TCF12: variants seen among roughly 807,000 people sequenced by gnomAD.
TCF12 encodes the protein transcription factor 12.
Under a neutral mutation model 86.0 loss-of-function variants are expected in TCF12, and 45 were observed. The observed-to-expected ratio is 0.52, with a 90% CI of 0.41 to 0.67. The LOEUF (loss-of-function observed/expected upper bound fraction) is 0.67. TCF12 is among the 30% of genes least tolerant of loss of function. TCF12 has a pLI of 0.00. For synonymous variants in TCF12, 330 were observed against 299.6 expected, an observed-to-expected ratio of 1.10 and a Z score of -1.05; for missense variants, 881 against 859.9, an observed-to-expected ratio of 1.02 and a Z score of -0.31.
At chr15:57,247,427 TAC>T in intron 13 of TCF12, 2 of 697,210 alleles carry the variant, frequency 2.9e-6, no homozygotes, top group Admixed American at 3.7e-5. Context: ...TCCAGCAGAC[TAC>T]ATCTCTTGTT....
intron 8 of TCF12, among the ~76,000 whole-genome samples, chr15:57,222,569 C>T (rs868381215): frequency 6.6e-6 from 1 of 151,506 alleles, no homozygotes; most frequent in Non-Finnish European, 1.5e-5. Context: ...CTATTTTGCA[C>T]CTTATACTGT....
At chr15:57,251,786 C>G (rs1428195664) in intron 14 of TCF12, among the ~76,000 whole-genome samples, 1 of 151,882 alleles carries the variant, frequency 6.6e-6, no homozygotes, top group Non-Finnish European at 1.5e-5. Flanking sequence ...AAAATTTTAC[C>G]CTTTTGTATT....
chr15:57,266,632 A>G (rs1368537750), intron 18 of TCF12, among the ~76,000 whole-genome samples: 2 of 152,238 alleles, frequency 1.3e-5, no homozygotes, highest in Non-Finnish European at 2.9e-5. Flanking sequence ...GGAGTTTTCT[A>G]GAAAATGGAC....
intron 8 of TCF12, among the ~76,000 whole-genome samples, chr15:57,228,808 T>C (rs966038110): frequency 1.3e-5 from 2 of 152,160 alleles, no homozygotes; most frequent in East Asian, 1.9e-4. Flanking sequence ...GAAATATAAA[T>C]TGATAAATTA....
At chr15:57,046,322 A>G (rs2067229650) in intron 3 of TCF12, among the ~76,000 whole-genome samples, 1 of 152,220 alleles carries the variant, frequency 6.6e-6, no homozygotes. Context: ...CATAGTTACT[A>G]CAGAGTTCAC....
chr15:57,025,521 C>A (rs2065774541), intron 3 of TCF12, among the ~76,000 whole-genome samples: 1 of 152,038 alleles, frequency 6.6e-6, no homozygotes, highest in African/African-American at 2.4e-5. Context: ...TTAGAATAAT[C>A]CTCAGTCTGG....
intron 6 of TCF12, among the ~76,000 whole-genome samples, chr15:57,185,503 CAGA>C (rs1295978801): frequency 3.9e-5 from 6 of 151,938 alleles, no homozygotes; most frequent in Non-Finnish European, 5.9e-5. Context: ...TTGAAGAAAG[CAGA>C]AGAAGAAAGG....
At chr15:57,046,726 G>A (rs190439139) in intron 3 of TCF12, among the ~76,000 whole-genome samples, 64 of 152,316 alleles carry the variant, frequency 4.2e-4, no homozygotes, top group African/African-American at 1.5e-3. Context: ...CAAGTGCTGG[G>A]ATTACAGGCG....
chr15:57,233,986 C>T, intron 11 of TCF12, 57 bp from the exon 12 acceptor site: 1 of 1,452,208 alleles, frequency 6.9e-7, no homozygotes, highest in Non-Finnish European at 9.7e-7. Flanking sequence ...TGGCAGAGTG[C>T]TAAAATATAA....
chr15:57,124,283 A>G (rs2051468638), intron 5 of TCF12, among the ~76,000 whole-genome samples: 1 of 152,048 alleles, frequency 6.6e-6, no homozygotes, highest in East Asian at 1.9e-4. Context: ...TATCATTTTC[A>G]TTTCCTGTTA....
intron 3 of TCF12, among the ~76,000 whole-genome samples, chr15:56,940,601 T>C (rs141360881): frequency 1.0e-3 from 143 of 140,618 alleles, no homozygotes; most frequent in African/African-American, 3.5e-3. Context: ...TCCTCCTCCT[T>C]CTCCTCCTTC....
chr15:57,083,102 T>TA (rs2048414271), intron 4 of TCF12, among the ~76,000 whole-genome samples: 1 of 152,184 alleles, frequency 6.6e-6, no homozygotes, highest in South Asian at 2.1e-4. Flanking sequence ...ATCATTTAGA[T>TA]AATAATATGT....
At position 56,919,955 on chromosome 15, in the gene TCF12, C is replaced by G. The variant is rs141492611; in HGVS notation, c.42C>G (p.Asp14Glu). ...AACGCATGGCCGCTATAGGGACCGA[C>G]AAGGAGCTGAGCGACCTACTGGACT... is the stretch of plus-strand genomic sequence containing the variant. ...QQQRMAAIGT[D>E]KELSDLLDFS... is the part of the protein sequence containing the mutation. The change falls in exon 2 of 21, where the codon GAC becomes GAG. Residue 14 changes from aspartate (D) to glutamate (E), a missense_variant. Coordinates refer to ENST00000333725, the MANE Select transcript of TCF12 (RefSeq NM_207037.2). 6.2e-7 allele frequency: 1 copy of G among 1,614,108 alleles called. No individual in the cohort carries two copies. The highest frequency in any genetic ancestry group is 1.3e-5 in the African/African-American group (1 of 75,026).
At chr15:57,265,254 G>C (rs1472218261) in intron 18 of TCF12, among the ~76,000 whole-genome samples, 1 of 151,966 alleles carries the variant, frequency 6.6e-6, no homozygotes. Context: ...GAGCCTCTTT[G>C]TTTGTGGAGT....
intron 6 of TCF12, among the ~76,000 whole-genome samples, chr15:57,175,331 C>G (rs2055832767): frequency 1.3e-5 from 2 of 152,078 alleles, no homozygotes; most frequent in African/African-American, 4.8e-5. Flanking sequence ...TCACTCCAGC[C>G]TGGGTGACAG....
intron 16 of TCF12, among the ~76,000 whole-genome samples, chr15:57,256,982 A>C (rs2060376633): frequency 6.6e-6 from 1 of 152,244 alleles, no homozygotes; most frequent in Admixed American, 6.5e-5. Context: ...AAAGGGCCAG[A>C]GAGTAAATAT....
At position 57,172,841 on chromosome 15, in the gene TCF12, C is replaced by A. The variant is rs139980047; in HGVS notation, c.390+6375C>A. Among the ~76,000 whole-genome samples the A allele has an allele frequency of 3.7e-3, 565 of 152,140 alleles. 2 individuals are homozygous for A. Among genetic ancestry groups the A allele is most frequent in the African/African-American group, 0.013 (536 of 41,472 alleles). Reference sequence around the variant, plus strand: ...TAAGACTAGGTGTGGTGACTCATGCCTGTAACCCCAGCCCTTTGGAAGGCC... The same window carrying A: ...TAAGACTAGGTGTGGTGACTCATGCATGTAACCCCAGCCCTTTGGAAGGCC... On this transcript the variant is annotated intron_variant, in intron 6 of 20. Coordinates refer to ENST00000333725, the MANE Select transcript of TCF12 (RefSeq NM_207037.2).
At chr15:57,004,101 A>T (rs1726848555) in intron 3 of TCF12, among the ~76,000 whole-genome samples, 1 of 152,074 alleles carries the variant, frequency 6.6e-6, no homozygotes, top group Admixed American at 6.6e-5. Flanking sequence ...ACTTTAAGTT[A>T]TGATAAACTT....
chr15:57,171,406 T>C (rs1465407228), intron 6 of TCF12, among the ~76,000 whole-genome samples: 3 of 150,438 alleles, frequency 2.0e-5, no homozygotes, highest in African/African-American at 7.5e-5. Context: ...ATACTTTAAC[T>C]AACTGGCTGC....
Sources: gnomAD v4.1 joint callset for allele counts (sites outside exome capture counted in the v4.1 genomes callset) on GRCh38, gnomAD v4.1.1 for gene constraint, MANE v1.5 for transcripts, NCBI Gene and HGNC (gene_info 2026-07-23, HGNC 2026-07-21) for gene names.